Variants in FOXRED2 observed in about 807,000 individuals in gnomAD.
The protein encoded by FOXRED2 is FAD-dependent oxidoreductase domain-containing protein 2.
FOXRED2 carries 32 observed loss-of-function variants against 52.5 expected under a neutral mutation model. The observed-to-expected ratio is 0.61, with a 90% CI of 0.46 to 0.82. FOXRED2 has a LOEUF of 0.82. Ranked by LOEUF, FOXRED2 falls within the 40% of genes least tolerant of loss-of-function variation. The pLI, the probability that FOXRED2 is intolerant of heterozygous loss-of-function variation, is 0.00. For missense variants in FOXRED2, 848 were observed against 937.5 expected, an observed-to-expected ratio of 0.90 and a Z score of 1.25; for synonymous variants, 405 against 398.1, an observed-to-expected ratio of 1.02 and a Z score of -0.21.
rs1436376087 is a variant in FOXRED2 at position 36,506,228 on chromosome 22, G to A, written c.195C>T (p.Pro65=). 6.2e-6 allele frequency: 10 copies of A among 1,613,664 alleles called. No homozygotes were observed. Among genetic ancestry groups the A allele is most frequent in the African/African-American group, 2.7e-5 (2 of 74,944 alleles). The part of the protein sequence containing the change: ...DYAVFERAPR[P]GSFFTRYPRH... ...GCGGGTAGCGTGTGAAGAAGCTGCC[G>A]GGCCGCGGGGCCCGCTCGAACACTG... Residue 65 remains proline, a synonymous_variant, in exon 2 of 9, where the codon CCC becomes CCT. Transcript: ENST00000397224.
rs139680529 is a variant in FOXRED2 at position 36,494,884 on chromosome 22, G to A, written c.1625-1081C>T. Among the ~76,000 whole-genome samples the A allele has an allele frequency of 7.9e-3, 1,195 of 152,092 alleles. 13 individuals carry two copies. The highest frequency in any genetic ancestry group is 0.027 in the African/African-American group (1,119 of 41,492). ...GACCTCCTGACCTCGTGATCCGCCC[G>A]CCTCGGCCTCCCAAAATGCTGGGAT... On this transcript the variant is annotated intron_variant, in intron 7 of 8. Coordinates refer to ENST00000397224, the MANE Select transcript of FOXRED2 (RefSeq NM_001102371.2).
At chr22:36,500,541 G>A (rs531996159) in intron 5 of FOXRED2, among the ~76,000 whole-genome samples, 1 of 151,818 alleles carries the variant, frequency 6.6e-6, no homozygotes, top group Non-Finnish European at 1.5e-5. Context: ...TTATACCCTT[G>A]GTACTGAGAG....
intron 6 of FOXRED2, among the ~76,000 whole-genome samples, chr22:36,497,404 A>G (rs1465613504): frequency 6.6e-6 from 1 of 152,040 alleles, no homozygotes; most frequent in African/African-American, 2.4e-5. Flanking sequence ...AAGCGGCTGC[A>G]CTACCTGCAT....
rs1933634723 is a variant in FOXRED2 at position 36,487,464 on chromosome 22, C to T, written c.*2544G>A. The T allele has an allele frequency of 6.6e-6, 1 of 152,200 alleles. No homozygotes were observed. Among genetic ancestry groups the T allele is most frequent in the African/African-American group, 2.4e-5 (1 of 41,424 alleles). 9.4% of individuals were successfully genotyped at this position (152,200 alleles called of 1,614,324 possible). A position where few individuals can be genotyped will look rare whatever the true frequency, so the allele number is the denominator to read the frequency against. On this transcript the variant is annotated 3_prime_UTR_variant, in exon 9 of 9. Transcript: ENST00000397224. ...TTACGGACCAGGTGACTAAAGGTGA[C>T]TCAGGTCAGAGCAGGTGACAGAGGC...
intron 7 of FOXRED2, among the ~76,000 whole-genome samples, chr22:36,494,069 G>T (rs764156844): frequency 5.9e-5 from 9 of 152,234 alleles, no homozygotes; most frequent in African/African-American, 1.9e-4. Context: ...TGAGGCTGGC[G>T]TTTCCCTAAG....
At chr22:36,496,293 G>A (rs1779873124) in intron 6 of FOXRED2, 85 bp from the exon 7 acceptor site, 53 of 1,516,764 alleles carry the variant, frequency 3.5e-5, no homozygotes, top group South Asian at 1.8e-4. Context: ...GTGTGTGTGC[G>A]TGTGTATCTC....
At chr22:36,490,590 A>G (rs577047485) in intron 8 of FOXRED2, among the ~76,000 whole-genome samples, 2 of 152,292 alleles carry the variant, frequency 1.3e-5, no homozygotes, top group African/African-American at 4.8e-5. Flanking sequence ...AGGCAACCAC[A>G]CTGGGGGCGG....
chr22:36,503,486 T>A (rs1295246175), intron 4 of FOXRED2, among the ~76,000 whole-genome samples: 1 of 151,762 alleles, frequency 6.6e-6, no homozygotes, highest in South Asian at 2.1e-4. Flanking sequence ...AATTTTTGTA[T>A]TTTTAGTAGA....
rs772464185 is a variant in FOXRED2 at position 36,506,269 on chromosome 22, C to A, written c.154G>T (p.Ala52Ser). 1 of 1,605,908 alleles carries A rather than the reference C, an allele frequency of 6.2e-7. No individual in the cohort carries two copies. Among genetic ancestry groups the A allele is most frequent in the Non-Finnish European group, 8.5e-7 (1 of 1,175,688 alleles). The change falls in exon 2 of 9, where the codon GCT becomes TCT. Residue 52 changes from alanine (A) to serine (S), a missense_variant. Coordinates refer to ENST00000397224, the MANE Select transcript of FOXRED2 (RefSeq NM_001102371.2). ...TCGAACACTGCGTAGTCGCGTCCAG[C>A]GCGCTGCAGGAAGTAGGCCATCTGC... Reference protein sequence around the residue: ...GLQMAYFLQRAGRDYAVFERA... With the variant: ...GLQMAYFLQRSGRDYAVFERA...
Position 36,500,304 on chromosome 22 carries a change from C to T in FOXRED2, c.1216+937G>A, listed in dbSNP as rs117574873. Among the ~76,000 whole-genome samples, 987 of 152,250 alleles carry T rather than the reference C, an allele frequency of 6.5e-3. 4 individuals are homozygous for T. The highest frequency in any genetic ancestry group is 0.027 in the Middle Eastern group (8 of 294). ...AAATGGAGATTTCACACCCACCTTT[C>T]GGGGTGCTGGCGGCCCTGCCAGGGT... On this transcript the variant is annotated intron_variant, in intron 5 of 8. Coordinates refer to ENST00000397224, the MANE Select transcript of FOXRED2 (RefSeq NM_001102371.2).
At position 36,492,158 on chromosome 22, in the gene FOXRED2, G is replaced by T. The variant is rs1213087681; in HGVS notation, c.1795+1475C>A. On this transcript the variant is annotated intron_variant, in intron 8 of 8. Coordinates refer to ENST00000397224, the MANE Select transcript of FOXRED2 (RefSeq NM_001102371.2). ...GGCAAGCCTCTCCAAGCGGGTAAGA[G>T]AGCAGATGAGGAAGAGGACAGCGGG... 2.0e-5 allele frequency among the ~76,000 whole-genome samples: 3 copies of T among 152,164 alleles called. No homozygotes were observed. The East Asian group carries it at 5.8e-4, about 29-fold the overall frequency.
intron 8 of FOXRED2, among the ~76,000 whole-genome samples, chr22:36,493,263 C>T (rs913424324): frequency 6.6e-6 from 1 of 152,168 alleles, no homozygotes; most frequent in Non-Finnish European, 1.5e-5. Flanking sequence ...TATGGTGAAA[C>T]CCCATCTCTA....
rs1268057383 is a variant in FOXRED2 at position 36,506,700 on chromosome 22, G to C, written c.-1-277C>G. 8.2e-5 allele frequency: 33 copies of C among 404,166 alleles called. No homozygotes were observed. In the East Asian group the frequency reaches 1.2e-3, roughly 15 times the overall value. 25.0% of individuals were successfully genotyped at this position (404,166 alleles called of 1,614,324 possible). On this transcript the variant is annotated intron_variant, in intron 1 of 8. Coordinates refer to ENST00000397224, the MANE Select transcript of FOXRED2 (RefSeq NM_001102371.2). Reference sequence around the variant, plus strand: ...ATGATTGTAGTAACCTCCACCCTGGGGAAGGAGAGCGTACTCCCCAATTTT... The same window carrying C: ...ATGATTGTAGTAACCTCCACCCTGGCGAAGGAGAGCGTACTCCCCAATTTT...
chr22:36,490,895 G>A (rs1340199563), intron 8 of FOXRED2, among the ~76,000 whole-genome samples: 2 of 152,220 alleles, frequency 1.3e-5, no homozygotes, highest in African/African-American at 2.4e-5. Context: ...GGTGGCTCAC[G>A]CCTTAATCCG....
chr22:36,498,583 G>A (rs1246810140), intron 5 of FOXRED2, among the ~76,000 whole-genome samples: 1 of 152,114 alleles, frequency 6.6e-6, no homozygotes, highest in Non-Finnish European at 1.5e-5. Context: ...CCAACACGGA[G>A]CCTTCCCCAG....
At chr22:36,490,523 A>C (rs1366221697) in intron 8 of FOXRED2, among the ~76,000 whole-genome samples, 2 of 152,232 alleles carry the variant, frequency 1.3e-5, no homozygotes, top group African/African-American at 4.8e-5. Flanking sequence ...CCAAAATAAA[A>C]GCAAACCACA....
At chr22:36,493,550 T>C in intron 8 of FOXRED2, 83 bp downstream of exon 8, 2 of 1,278,166 alleles carry the variant, frequency 1.6e-6, no homozygotes, top group East Asian at 2.4e-5. Flanking sequence ...ATATGGGTCC[T>C]GAAACTCCAC....
rs1603491726 is a variant in FOXRED2 at position 36,489,754 on chromosome 22, C to G, written c.*254G>C. 2.4e-6 allele frequency: 1 copy of G among 416,768 alleles called. No homozygotes were observed. Among genetic ancestry groups the G allele is most frequent in the East Asian group, 3.9e-5 (1 of 25,446 alleles). The allele number at this position is 416,768 out of a possible 1,614,324, so 25.8% of individuals were successfully genotyped here. A position where few individuals can be genotyped will look rare whatever the true frequency, so the allele number is the denominator to read the frequency against. The stretch of plus-strand genomic sequence containing the variant: ...CAGCGACAGCTCCATTGCAGACAAA[C>G]TGGGCTGGGGAAGGCAGCTCCCACC... On this transcript the variant is annotated 3_prime_UTR_variant, in exon 9 of 9. Coordinates refer to ENST00000397224, the MANE Select transcript of FOXRED2 (RefSeq NM_001102371.2).
rs202049182 is a variant in FOXRED2 at position 36,490,241 on chromosome 22, G to T, written c.1822C>A (p.Arg608Ser). The part of the protein sequence containing the change: ...AESCFLFALT[R>S]QKLPPFCQQG... ...TGGCAAAAGGGTGGCAACTTCTGGCGCGTGAGGGCGAACAGGAAGCAGGAC... is the reference window on the plus strand; with the variant it reads ...TGGCAAAAGGGTGGCAACTTCTGGCTCGTGAGGGCGAACAGGAAGCAGGAC... The change falls in exon 9 of 9, where the codon CGC becomes AGC. Residue 608 changes from arginine to serine, a missense_variant. Transcript: ENST00000397224. The T allele has an allele frequency of 4.3e-6, 7 of 1,611,726 alleles. No individual in the cohort carries two copies. The highest frequency in any genetic ancestry group is 5.9e-6 in the Non-Finnish European group (7 of 1,178,434).
Sources: allele counts gnomAD v4.1 joint callset (sites outside exome capture counted in the v4.1 genomes callset), GRCh38; gene constraint gnomAD v4.1.1; transcripts MANE v1.5; gene names NCBI Gene and HGNC (gene_info 2026-07-23, HGNC 2026-07-21).